The following SMIM13 variants were observed in gnomAD, a reference collection of about 807,000 sequenced individuals.
SMIM13 encodes small integral membrane protein 13.
Under a neutral mutation model 5.9 loss-of-function variants are expected in SMIM13, and 3 were observed. The ratio of observed to expected loss-of-function variants is 0.51; its 90% CI spans 0.23 to 1.31. The LOEUF (loss-of-function observed/expected upper bound fraction) is 1.31, where lower values mean the gene tolerates loss of function less well. Ranked by LOEUF, SMIM13 falls within the 40% of genes most tolerant of loss-of-function variation. The probability of loss-of-function intolerance (pLI) is 0.18; values close to 1 mark genes in which losing one functional copy is unlikely to be tolerated. For missense variants in SMIM13, 85 were observed against 109.9 expected, an observed-to-expected ratio of 0.77 and a Z score of 1.01; for synonymous variants, 55 against 46.0, an observed-to-expected ratio of 1.19 and a Z score of -0.79.
At chr6:11,095,380 G>T (rs970437756) in intron 1 of SMIM13, among the ~76,000 whole-genome samples, 1 of 152,154 alleles carries the variant, frequency 6.6e-6, no homozygotes, top group African/African-American at 2.4e-5. Flanking sequence ...CGCTCTTGTT[G>T]CCCAGGCAGG....
At chr6:11,103,892 C>G (rs866974566) in intron 1 of SMIM13, 2 of 1,551,606 alleles carry the variant, frequency 1.3e-6, no homozygotes, top group South Asian at 2.4e-5. Context: ...AAGTTCCTTC[C>G]CAATTTAACC....
intron 1 of SMIM13, among the ~76,000 whole-genome samples, chr6:11,122,282 T>C (rs1400696886): frequency 6.6e-6 from 1 of 152,252 alleles, no homozygotes; most frequent in Non-Finnish European, 1.5e-5. Flanking sequence ...ATCCCTCTTA[T>C]GAAAGGTGCA....
Position 11,093,841 on chromosome 6 carries a change from C to G in SMIM13, c.-473C>G, listed in dbSNP as rs564128070. ...CGGTAGGGGGCCTGGGGCGGAGAAG[C>G]CGCTACAGCCGCGGCCGGGCGACGC... On this transcript the variant is annotated 5_prime_UTR_variant, in exon 1 of 2. Coordinates refer to ENST00000416247, the MANE Select transcript of SMIM13 (RefSeq NM_001135575.2). Among the ~76,000 whole-genome samples, 2 of 152,340 alleles carry G rather than the reference C, an allele frequency of 1.3e-5. No individual in the cohort carries two copies. The highest frequency in any genetic ancestry group is 4.1e-4 in the South Asian group (2 of 4,824).
intron 1 of SMIM13, among the ~76,000 whole-genome samples, chr6:11,116,000 T>G (rs1758234155): frequency 7.0e-6 from 1 of 143,150 alleles, no homozygotes; most frequent in Non-Finnish European, 1.5e-5. Flanking sequence ...CGGCCTTCCT[T>G]CCTTCCTCTT....
At chr6:11,116,991 T>C (rs1161186060) in intron 1 of SMIM13, among the ~76,000 whole-genome samples, 1 of 119,034 alleles carries the variant, frequency 8.4e-6, no homozygotes, top group African/African-American at 3.3e-5. Context: ...TCTTTTTTTT[T>C]TTTTTTTTTT....
At position 11,097,944 on chromosome 6, in the gene SMIM13, C is replaced by T. The variant is rs1401604231; in HGVS notation, c.76+3555C>T. Among the ~76,000 whole-genome samples, 4 of 151,980 alleles carry T rather than the reference C, an allele frequency of 2.6e-5. No homozygotes were observed. In the East Asian group the frequency reaches 7.7e-4, roughly 29 times the overall value. On this transcript the variant is annotated intron_variant, in intron 1 of 1. Transcript: ENST00000416247. ...CCACATAACTTATCTGCTCCCTGCT[C>T]GCCGCCCCCCCACCCAATTTCTGAG...
At position 11,105,992 on chromosome 6, in the gene SMIM13, T is replaced by G. The variant is rs1381159864; in HGVS notation, c.76+11603T>G. 2.0e-5 allele frequency among the ~76,000 whole-genome samples: 3 copies of G among 152,282 alleles called. 1 individual carries two copies. The highest frequency in any genetic ancestry group is 4.1e-4 in the South Asian group (2 of 4,826). ...GAGGTACACCCATGGCTGTGCTGTTTCCTGGCAGAGTTTGTTGGGGATGTG... is the reference window on the plus strand; with the variant it reads ...GAGGTACACCCATGGCTGTGCTGTTGCCTGGCAGAGTTTGTTGGGGATGTG... On this transcript the variant is annotated intron_variant, in intron 1 of 1. Transcript: ENST00000416247.
At chr6:11,120,865 G>C (rs1424400193) in intron 1 of SMIM13, among the ~76,000 whole-genome samples, 3 of 152,188 alleles carry the variant, frequency 2.0e-5, no homozygotes, top group Non-Finnish European at 4.4e-5. Flanking sequence ...AGCACTGTGT[G>C]AACTGATAAC....
intron 1 of SMIM13, among the ~76,000 whole-genome samples, chr6:11,126,656 G>A (rs960140266): frequency 6.6e-6 from 1 of 151,988 alleles, no homozygotes; most frequent in African/African-American, 2.4e-5. Context: ...GTGAGGTCGT[G>A]TTTTCCTGGA....
chr6:11,126,414 C>G (rs796784728), intron 1 of SMIM13, among the ~76,000 whole-genome samples: 21 of 152,354 alleles, frequency 1.4e-4, no homozygotes, highest in African/African-American at 5.0e-4. Context: ...ATCAGTTCTG[C>G]TGTGGAGAGA....
At chr6:11,116,364 A>C (rs1758240649) in intron 1 of SMIM13, among the ~76,000 whole-genome samples, 1 of 152,218 alleles carries the variant, frequency 6.6e-6, no homozygotes, top group African/African-American at 2.4e-5. Context: ...GTTTCTACCC[A>C]CATTCAAGAG....
intron 1 of SMIM13, among the ~76,000 whole-genome samples, chr6:11,095,627 C>T (rs1339338677): frequency 6.6e-6 from 1 of 152,226 alleles, no homozygotes; most frequent in Non-Finnish European, 1.5e-5. Context: ...GCTGGGATTA[C>T]AGGCATGAGT....
intron 1 of SMIM13, among the ~76,000 whole-genome samples, chr6:11,109,972 A>G (rs1758143903): frequency 6.6e-6 from 1 of 152,128 alleles, no homozygotes; most frequent in South Asian, 2.1e-4. Context: ...TCCTTTGCGT[A>G]TGGCAGTGTC....
At chr6:11,094,457 G>GTTGT in intron 1 of SMIM13, 68 bp downstream of exon 1, 1 of 1,261,912 alleles carries the variant, frequency 7.9e-7, no homozygotes, top group Non-Finnish European at 1.1e-6. Flanking sequence ...GGTTTTTTTT[G>GTTGT]TTGTTTGTTT....
intron 1 of SMIM13, 53 bp downstream of exon 1, chr6:11,094,442 G>A (rs1757895964): frequency 7.2e-7 from 1 of 1,384,096 alleles, no homozygotes; most frequent in Non-Finnish European, 9.8e-7. Context: ...TCGCTGATCT[G>A]CTGGGGTTTT....
intron 1 of SMIM13, among the ~76,000 whole-genome samples, chr6:11,129,100 G>A (rs995238380): frequency 6.6e-6 from 1 of 151,592 alleles, no homozygotes; most frequent in Non-Finnish European, 1.5e-5. Flanking sequence ...GATCACTGGA[G>A]GCTTCTGTTT....
intron 1 of SMIM13, among the ~76,000 whole-genome samples, chr6:11,111,200 G>A (rs1758161459): frequency 1.3e-5 from 2 of 152,170 alleles, no homozygotes; most frequent in South Asian, 4.1e-4. Flanking sequence ...GGGAATGTGT[G>A]TTTAAGGCAG....
chr6:11,127,945 CA>C (rs772166900), intron 1 of SMIM13, among the ~76,000 whole-genome samples: 23 of 152,152 alleles, frequency 1.5e-4, no homozygotes, highest in Non-Finnish European at 2.8e-4. Context: ...AGAGCAGGTC[CA>C]GAAATGCCAT....
At chr6:11,107,443 C>T (rs967795196) in intron 1 of SMIM13, among the ~76,000 whole-genome samples, 1 of 152,216 alleles carries the variant, frequency 6.6e-6, no homozygotes, top group Admixed American at 6.5e-5. Flanking sequence ...GAGACACTCT[C>T]TCCTCTCAAG....
Sources: allele counts gnomAD v4.1 joint callset (sites outside exome capture counted in the v4.1 genomes callset), GRCh38; gene constraint gnomAD v4.1.1; transcripts MANE v1.5; gene names NCBI Gene and HGNC (gene_info 2026-07-23, HGNC 2026-07-21).